PAWR: variants seen among roughly 807,000 people sequenced by gnomAD.
PAWR encodes the protein PRKC apoptosis WT1 regulator protein.
In PAWR, 23 loss-of-function variants were observed where a neutral mutation model predicts 32.0. The observed-to-expected ratio is 0.72, with a 90% CI of 0.52 to 1.02. The LOEUF (loss-of-function observed/expected upper bound fraction) is 1.02. PAWR is among the 50% of genes least tolerant of loss of function. The pLI is 0.00. For synonymous variants in PAWR, 226 were observed against 187.1 expected, an observed-to-expected ratio of 1.21 and a Z score of -1.70; for missense variants, 457 against 437.7, an observed-to-expected ratio of 1.04 and a Z score of -0.39.
rs1214451315 is a variant in PAWR at position 79,586,159 on chromosome 12, T to C, written c.*6448A>G. On this transcript the variant is annotated 3_prime_UTR_variant, in exon 7 of 7. Transcript: ENST00000328827. ...CATACACAAAACGTTTAATGTGTTATGGAAGGCTAACAGTTTTTCAGCTTT... is the reference window on the plus strand; with the variant it reads ...CATACACAAAACGTTTAATGTGTTACGGAAGGCTAACAGTTTTTCAGCTTT... The C allele has an allele frequency of 6.6e-6, 1 of 152,316 alleles. No individual in the cohort carries two copies. The highest frequency in any genetic ancestry group is 1.5e-5 in the Non-Finnish European group (1 of 68,050). 9.4% of individuals were successfully genotyped at this position (152,316 alleles called of 1,614,324 possible).
intron 2 of PAWR, among the ~76,000 whole-genome samples, chr12:79,670,505 A>G (rs1877838286): frequency 6.6e-6 from 1 of 152,238 alleles, no homozygotes; most frequent in African/African-American, 2.4e-5. Flanking sequence ...AATTCTTCAT[A>G]GAAAAATCAT....
intron 2 of PAWR, among the ~76,000 whole-genome samples, chr12:79,683,991 T>G (rs1467385601): frequency 1.3e-5 from 2 of 152,050 alleles, no homozygotes; most frequent in Non-Finnish European, 2.9e-5. Flanking sequence ...ACCATATCAC[T>G]TTACTGAAAG....
intron 2 of PAWR, among the ~76,000 whole-genome samples, chr12:79,677,182 A>G (rs1418553966): frequency 6.6e-6 from 1 of 152,208 alleles, no homozygotes; most frequent in Non-Finnish European, 1.5e-5. Context: ...GCTATACCGG[A>G]ACATCCAAAT....
intron 2 of PAWR, among the ~76,000 whole-genome samples, chr12:79,659,838 G>C (rs551264459): frequency 1.3e-5 from 2 of 151,764 alleles, no homozygotes; most frequent in Non-Finnish European, 1.5e-5. Flanking sequence ...CATATTTAAA[G>C]GAAATATTTG....
At chr12:79,647,846 T>C (rs1876649768) in intron 2 of PAWR, among the ~76,000 whole-genome samples, 1 of 152,174 alleles carries the variant, frequency 6.6e-6, no homozygotes, top group Non-Finnish European at 1.5e-5. Context: ...AACACAGCGG[T>C]CCCCAATCTT....
intron 2 of PAWR, among the ~76,000 whole-genome samples, chr12:79,684,640 A>G (rs1361539170): frequency 1.3e-5 from 2 of 152,118 alleles, no homozygotes; most frequent in East Asian, 3.9e-4. Flanking sequence ...AAGAAAGAAA[A>G]AAACAAAGAA....
intron 2 of PAWR, among the ~76,000 whole-genome samples, chr12:79,666,298 A>G (rs1258867177): frequency 6.6e-6 from 1 of 152,198 alleles, no homozygotes; most frequent in African/African-American, 2.4e-5. Flanking sequence ...TATTTGTACA[A>G]ATTGTATCTC....
intron 3 of PAWR, among the ~76,000 whole-genome samples, chr12:79,617,897 C>T (rs550715851): frequency 6.6e-6 from 1 of 152,238 alleles, no homozygotes; most frequent in South Asian, 2.1e-4. Flanking sequence ...CTCTCTCTCG[C>T]TCCTGCTCCT....
chr12:79,587,686 G>T lies in PAWR; in HGVS notation c.*4921C>A, dbSNP rs1436071067. On this transcript the variant is annotated 3_prime_UTR_variant, in exon 7 of 7. Coordinates refer to ENST00000328827, the MANE Select transcript of PAWR (RefSeq NM_002583.4). ...TTTTAAAGTGCTGCATATGGTTTCT[G>T]TAAGAGGTACATAATTAGATTACCA... 1.3e-5 allele frequency: 2 copies of T among 151,882 alleles called. No individual in the cohort carries two copies. The highest frequency in any genetic ancestry group is 6.6e-5 in the Admixed American group (1 of 15,238). 9.4% of individuals were successfully genotyped at this position (151,882 alleles called of 1,614,324 possible). A position where few individuals can be genotyped will look rare whatever the true frequency, so the allele number is the denominator to read the frequency against.
At chr12:79,613,783 C>A (rs1874547094) in intron 3 of PAWR, among the ~76,000 whole-genome samples, 174 bp from the exon 4 acceptor site, 1 of 150,694 alleles carries the variant, frequency 6.6e-6, no homozygotes, top group African/African-American at 2.4e-5. Context: ...TCTGATTTTT[C>A]AGTCCAAATC....
At chr12:79,636,761 T>C (rs920557554) in intron 2 of PAWR, among the ~76,000 whole-genome samples, 3 of 152,152 alleles carry the variant, frequency 2.0e-5, no homozygotes, top group Non-Finnish European at 4.4e-5. Flanking sequence ...CTTTACATAA[T>C]ACTGACATTC....
Position 79,596,589 on chromosome 12 carries a change from T to C in PAWR, c.753A>G (p.Arg251=). The change falls in exon 5 of 7, where the codon AGA becomes AGG. Residue 251 remains arginine (R), a synonymous_variant. Coordinates refer to ENST00000328827, the MANE Select transcript of PAWR (RefSeq NM_002583.4). ...YSRTDRSGFP[R]YNRDANVSGT... Reference sequence around the variant, plus strand: ...CTGAAACATTTGCATCCCTGTTATATCTAGGGAACCCACTTCTATCTGTTC... The same window carrying C: ...CTGAAACATTTGCATCCCTGTTATACCTAGGGAACCCACTTCTATCTGTTC... 1.3e-6 allele frequency: 2 copies of C among 1,588,604 alleles called. No homozygotes were observed. Among genetic ancestry groups the C allele is most frequent in the South Asian group, 1.1e-5 (1 of 89,926 alleles).
At position 79,586,579 on chromosome 12, in the gene PAWR, T is replaced by C. The variant is rs1873390629; in HGVS notation, c.*6028A>G. On this transcript the variant is annotated 3_prime_UTR_variant, in exon 7 of 7. Transcript: ENST00000328827. ...GGATAGCAACTGATTATATGTGGAT[T>C]AACAATAGTGAATAACTGAGCACAT... 6.6e-6 allele frequency: 1 copy of C among 152,198 alleles called. No homozygotes were observed. Among genetic ancestry groups the C allele is most frequent in the African/African-American group, 2.4e-5 (1 of 41,458 alleles). 9.4% of individuals were successfully genotyped at this position (152,198 alleles called of 1,614,324 possible).
At chr12:79,662,627 A>G (rs1007817837) in intron 2 of PAWR, among the ~76,000 whole-genome samples, 1 of 152,230 alleles carries the variant, frequency 6.6e-6, no homozygotes, top group Non-Finnish European at 1.5e-5. Flanking sequence ...CAAAAGTATC[A>G]CTCATACATA....
chr12:79,682,725 G>A (rs1382615832), intron 2 of PAWR, among the ~76,000 whole-genome samples: 4 of 152,206 alleles, frequency 2.6e-5, no homozygotes, highest in Non-Finnish European at 4.4e-5. Flanking sequence ...AGGTGGCTGA[G>A]GCTCAATTCT....
intron 4 of PAWR, among the ~76,000 whole-genome samples, chr12:79,601,612 T>C (rs533112431): frequency 6.6e-6 from 1 of 152,284 alleles, no homozygotes; most frequent in African/African-American, 2.4e-5. Context: ...TTTTATAGGA[T>C]TTACAATATG....
Position 79,690,039 on chromosome 12 carries a change from A to T in PAWR, c.206T>A (p.Leu69His), listed in dbSNP as rs1291293572. The T allele has an allele frequency of 8.9e-6, 12 of 1,346,004 alleles. No homozygotes were observed. In the Admixed American group the frequency reaches 2.5e-4, roughly 28 times the overall value. The allele number at this position is 1,346,004 out of a possible 1,614,324, so 83.4% of individuals were successfully genotyped here. A position where few individuals can be genotyped will look rare whatever the true frequency, so the allele number is the denominator to read the frequency against. ...CGCGCCGCCCGGGAGGTTGTTGTTG[A>T]GCTCGTTGGCAGCGGCGGCCGCCGG... ...GTPAAAAANE[L>H]NNNLPGGAPA... The change falls in exon 2 of 7, where the codon CTC becomes CAC. Residue 69 changes from leucine to histidine, a missense_variant. Transcript: ENST00000328827.
intron 4 of PAWR, chr12:79,604,220 C>A (rs1874077271): frequency 1.0e-6 from 1 of 981,384 alleles, no homozygotes; most frequent in African/African-American, 1.8e-5. Context: ...ACATAAATCT[C>A]TAATACGATC....
chr12:79,608,706 A>C (rs940416632), intron 4 of PAWR, among the ~76,000 whole-genome samples: 5 of 152,220 alleles, frequency 3.3e-5, no homozygotes, highest in African/African-American at 1.2e-4. Context: ...ATAATACAAT[A>C]TTAAGTGTTT....
Sources: allele counts gnomAD v4.1 joint callset (sites outside exome capture counted in the v4.1 genomes callset), GRCh38; gene constraint gnomAD v4.1.1; transcripts MANE v1.5; gene names NCBI Gene and HGNC (gene_info 2026-07-23, HGNC 2026-07-21).